The following PTPRM variants were observed in gnomAD, a reference collection of about 807,000 sequenced individuals.
PTPRM encodes the protein protein tyrosine phosphatase receptor type M.
In PTPRM, 47 loss-of-function variants were observed where a neutral mutation model predicts 186.7. The ratio of observed to expected loss-of-function variants is 0.25; its 90% CI spans 0.20 to 0.32. The LOEUF (loss-of-function observed/expected upper bound fraction) is 0.32, where lower values mean the gene tolerates loss of function less well. PTPRM is among the 10% of genes least tolerant of loss of function. The pLI is 1.00. For missense variants in PTPRM, 1,494 were observed against 1,865.0 expected, an observed-to-expected ratio of 0.80 and a Z score of 3.66; for synonymous variants, 668 against 674.9, an observed-to-expected ratio of 0.99 and a Z score of 0.16.
chr18:8,371,242 A>G (rs72906465), intron 24 of PTPRM, among the ~76,000 whole-genome samples: 8,222 of 152,238 alleles, frequency 0.054, 359 homozygotes, highest in African/African-American at 0.12. Context: ...ACCAAAAGTT[A>G]ATGTCTATTT....
intron 14 of PTPRM, among the ~76,000 whole-genome samples, chr18:8,170,683 G>A (rs917671324): frequency 1.8e-4 from 27 of 152,162 alleles, no homozygotes; most frequent in Non-Finnish European, 4.0e-4. Context: ...ATTGCAGGGA[G>A]ATTCCTGAAG....
intron 1 of PTPRM, among the ~76,000 whole-genome samples, chr18:7,582,267 G>T (rs1015103331): frequency 6.6e-6 from 1 of 152,166 alleles, no homozygotes. Context: ...TTGTGTATAT[G>T]TGTCTCTCCT....
At chr18:8,292,976 G>A (rs981678226) in intron 19 of PTPRM, among the ~76,000 whole-genome samples, 6 of 152,126 alleles carry the variant, frequency 3.9e-5, no homozygotes, top group African/African-American at 1.2e-4. Context: ...CACTGACTTC[G>A]GATCTAGGTT....
Position 7,630,844 on chromosome 18 carries a change from T to C in PTPRM, c.73+62953T>C, listed in dbSNP as rs572709119. On this transcript the variant is annotated intron_variant, in intron 1 of 32. Transcript: ENST00000580170. The stretch of plus-strand genomic sequence containing the variant: ...ATAAGATAAACACAGACACCATTAA[T>C]AGCACATTTTGCCTTGTTATCTATG... Among the ~76,000 whole-genome samples, 3 of 152,298 alleles carry C rather than the reference T, an allele frequency of 2.0e-5. No homozygotes were observed. The East Asian group carries it at 5.8e-4, about 29-fold the overall frequency.
chr18:7,813,252 G>C (rs978039740), intron 2 of PTPRM, among the ~76,000 whole-genome samples: 5 of 152,224 alleles, frequency 3.3e-5, no homozygotes, highest in African/African-American at 1.2e-4. Flanking sequence ...ACATTAGTGT[G>C]TTGTGATCTC....
rs71354579 is a variant in PTPRM at position 7,960,450 on chromosome 18, CATATATATATAT to C, written c.1132+5056_1132+5067del. On this transcript the variant is annotated intron_variant, in intron 7 of 32. Coordinates refer to ENST00000580170, the MANE Select transcript of PTPRM (RefSeq NM_001105244.2). ...CTGGAGGAAGGGAGTATATAGGCAA[CATATATATATAT>C]ATATATATATATATATATACACACA... is the stretch of plus-strand genomic sequence containing the variant. 2.7e-3 allele frequency among the ~76,000 whole-genome samples: 323 copies of C among 120,552 alleles called. 1 individual carries two copies. The highest frequency in any genetic ancestry group is 3.2e-3 in the Non-Finnish European group (192 of 60,708). 79.1% of individuals were successfully genotyped at this position (120,552 alleles called of 152,430 possible).
intron 1 of PTPRM, among the ~76,000 whole-genome samples, chr18:7,752,993 G>A (rs921234541): frequency 6.6e-6 from 1 of 152,086 alleles, no homozygotes; most frequent in African/African-American, 2.4e-5. Context: ...ATGATTTGGG[G>A]GGAGGGGCAG....
At chr18:8,074,003 C>A (rs114245828) in intron 8 of PTPRM, among the ~76,000 whole-genome samples, 3,404 of 152,290 alleles carry the variant, frequency 0.022, 54 homozygotes, top group African/African-American at 0.047. Flanking sequence ...ACAATTTAAT[C>A]ATTTATTAGT....
intron 1 of PTPRM, among the ~76,000 whole-genome samples, chr18:7,600,258 C>T (rs73941943): frequency 0.018 from 2,680 of 152,252 alleles, 86 homozygotes; most frequent in African/African-American, 0.061. Context: ...AATAAACATC[C>T]GGGGCTGAGA....
At chr18:8,272,795 T>C (rs903345709) in intron 19 of PTPRM, among the ~76,000 whole-genome samples, 1 of 152,158 alleles carries the variant, frequency 6.6e-6, no homozygotes, top group African/African-American at 2.4e-5. Context: ...CAAGCTTTTG[T>C]TCACATTTTC....
At chr18:8,004,786 G>A (rs1158384760) in intron 7 of PTPRM, among the ~76,000 whole-genome samples, 2 of 152,142 alleles carry the variant, frequency 1.3e-5, no homozygotes, top group South Asian at 2.1e-4. Context: ...CCTGTGGCTC[G>A]TGCCACAAGT....
At chr18:7,672,185 A>C (rs1470346878) in intron 1 of PTPRM, among the ~76,000 whole-genome samples, 4 of 152,216 alleles carry the variant, frequency 2.6e-5, no homozygotes, top group Non-Finnish European at 4.4e-5. Context: ...CTAAAGCAAA[A>C]TATGTGTTTA....
At chr18:8,209,626 A>G (rs12955655) in intron 14 of PTPRM, among the ~76,000 whole-genome samples, 51,272 of 151,944 alleles carry the variant, frequency 0.34, 9,200 homozygotes, top group Middle Eastern at 0.52. Flanking sequence ...GTACCTCCGA[A>G]GGTGACCTTA....
chr18:8,164,559 GC>G (rs2093288313), intron 14 of PTPRM, among the ~76,000 whole-genome samples: 1 of 152,216 alleles, frequency 6.6e-6, no homozygotes, highest in Non-Finnish European at 1.5e-5. Context: ...ACATGGATCA[GC>G]CTTGAGGACA....
At chr18:7,943,729 C>T (rs917168620) in intron 5 of PTPRM, among the ~76,000 whole-genome samples, 3 of 152,122 alleles carry the variant, frequency 2.0e-5, no homozygotes, top group Middle Eastern at 3.2e-3. Context: ...CTTCAGAGCC[C>T]GTCGGCACAA....
intron 1 of PTPRM, among the ~76,000 whole-genome samples, chr18:7,573,714 C>T (rs910373162): frequency 1.2e-4 from 19 of 152,090 alleles, no homozygotes; most frequent in African/African-American, 2.4e-4. Context: ...CTCAGCCTCC[C>T]GAGTGGCTGG....
intron 1 of PTPRM, among the ~76,000 whole-genome samples, chr18:7,631,432 C>T (rs142426724): frequency 1.7e-4 from 25 of 148,954 alleles, no homozygotes; most frequent in East Asian, 1.6e-3. Flanking sequence ...AACACATTTA[C>T]GTTCAGAACT....
rs528119532 is a variant in PTPRM, at chr18:8,121,360, T to G, written c.2167+6533T>G. Among the ~76,000 whole-genome samples, 4 of 152,354 alleles carry G rather than the reference T, an allele frequency of 2.6e-5. No homozygotes were observed. The East Asian group carries it at 7.7e-4, about 29-fold the overall frequency. ...TTCCATGTAAATTAGTAATCTTTCA[T>G]GTAAGCCTGTCCTTAATTTTCCAAT... On this transcript the variant is annotated intron_variant, in intron 13 of 32. Coordinates refer to ENST00000580170, the MANE Select transcript of PTPRM (RefSeq NM_001105244.2).
chr18:7,627,434 T>A (rs562501046), intron 1 of PTPRM, among the ~76,000 whole-genome samples: 88 of 152,282 alleles, frequency 5.8e-4, no homozygotes, highest in African/African-American at 2.1e-3. Context: ...TTGTATGAGA[T>A]CCTGTCTTCC....
Sources: gnomAD v4.1 joint callset for allele counts (sites outside exome capture counted in the v4.1 genomes callset) on GRCh38, gnomAD v4.1.1 for gene constraint, MANE v1.5 for transcripts, NCBI Gene and HGNC (gene_info 2026-07-23, HGNC 2026-07-21) for gene names.